ATG7: variants seen among roughly 807,000 people sequenced by gnomAD.
ATG7 encodes the protein ubiquitin-like modifier-activating enzyme ATG7.
Under a neutral mutation model 82.4 loss-of-function variants are expected in ATG7, and 70 were observed. That is an observed-to-expected ratio of 0.85 (90% CI 0.70 to 1.04). The LOEUF (loss-of-function observed/expected upper bound fraction) is 1.04, where lower values mean the gene tolerates loss of function less well. Ranked by LOEUF, ATG7 falls within the 50% of genes least tolerant of loss-of-function variation. ATG7 has a pLI of 0.00. For synonymous variants in ATG7, 287 were observed against 313.0 expected, an observed-to-expected ratio of 0.92 and a Z score of 0.88; for missense variants, 792 against 864.3, an observed-to-expected ratio of 0.92 and a Z score of 1.05.
chr3:11,332,927 T>A, intron 10 of ATG7, 45 bp from the exon 11 acceptor site: 1 of 1,398,134 alleles, frequency 7.2e-7, no homozygotes, highest in Non-Finnish European at 9.3e-7. Context: ...TTTCCTTCCT[T>A]TAAAAAAAAA....
chr3:11,292,007 G>A (rs987987984), intron 3 of ATG7, among the ~76,000 whole-genome samples: 4 of 152,196 alleles, frequency 2.6e-5, no homozygotes, highest in African/African-American at 4.8e-5. Context: ...TTGTCACCTT[G>A]TTTGGAGGAG....
chr3:11,539,774 T>C (rs2125017858), intron 20 of ATG7, among the ~76,000 whole-genome samples: 1 of 152,348 alleles, frequency 6.6e-6, no homozygotes, highest in Admixed American at 6.5e-5. Context: ...AGTGCACATT[T>C]CTGAGCTTTG....
At chr3:11,520,012 T>C (rs1372474216) in intron 20 of ATG7, among the ~76,000 whole-genome samples, 1 of 152,174 alleles carries the variant, frequency 6.6e-6, no homozygotes, top group African/African-American at 2.4e-5. Context: ...AGCTCAAGGC[T>C]GTGCTGATGT....
chr3:11,486,978 G>GCGGC (rs2089750620), intron 20 of ATG7, among the ~76,000 whole-genome samples: 1 of 151,758 alleles, frequency 6.6e-6, no homozygotes, highest in Admixed American at 6.6e-5. Context: ...AGAGGACCCT[G>GCGGC]CGGCCTTCCG....
At chr3:11,574,209 G>A in the ATG7 span, among the ~76,000 whole-genome samples, 5 of 152,260 alleles carry the variant, frequency 3.3e-5, no homozygotes, top group African/African-American at 1.2e-4. Flanking sequence ...TCCCTAGGCC[G>A]TACCCACCCG....
rs182243398 is a variant in ATG7 at position 11,370,380 on chromosome 3, T to C, written c.1875+5646T>C. Reference sequence around the variant, plus strand: ...TTGGGTCAGTGGTGGGAGCTGAAGCTCTTAGCTGAAACAAAGACCATTCTG... The same window carrying C: ...TTGGGTCAGTGGTGGGAGCTGAAGCCCTTAGCTGAAACAAAGACCATTCTG... On this transcript the variant is annotated intron_variant, in intron 18 of 20. Transcript: ENST00000693202. 3.0e-4 allele frequency among the ~76,000 whole-genome samples: 46 copies of C among 151,258 alleles called. 2 individuals are homozygous for C. The highest frequency in any genetic ancestry group is 6.3e-4 in the Non-Finnish European group (43 of 67,794).
intron 20 of ATG7, among the ~76,000 whole-genome samples, chr3:11,540,922 G>T: frequency 2.4e-5 from 3 of 125,820 alleles, no homozygotes; most frequent in African/African-American, 5.6e-5. Flanking sequence ...GGGGGAGGGG[G>T]GGAGTCTTGC....
intron 8 of ATG7, 22 bp downstream of exon 8, chr3:11,313,442 G>C: frequency 6.5e-7 from 1 of 1,549,872 alleles, no homozygotes; most frequent in Non-Finnish European, 8.9e-7. Context: ...TAACCAAAAT[G>C]CACATAAAAT....
intron 20 of ATG7, among the ~76,000 whole-genome samples, chr3:11,540,119 CTG>C (rs1460231191): frequency 2.0e-5 from 3 of 152,202 alleles, no homozygotes; most frequent in African/African-American, 7.2e-5. Flanking sequence ...TTTTAAGAAA[CTG>C]TTATTTTTCA....
downstream of ATG7, among the ~76,000 whole-genome samples, chr3:11,560,881 G>C (rs564405009): frequency 6.6e-6 from 1 of 152,262 alleles, no homozygotes; most frequent in Non-Finnish European, 1.5e-5. Context: ...ACAGGGCCTC[G>C]GGTGAGAGAC....
intron 20 of ATG7, among the ~76,000 whole-genome samples, chr3:11,551,570 T>C (rs1335334983): frequency 6.6e-6 from 1 of 152,122 alleles, no homozygotes; most frequent in African/African-American, 2.4e-5. Context: ...GTGTTTAGCT[T>C]TTTCACTGCT....
intron 19 of ATG7, among the ~76,000 whole-genome samples, chr3:11,403,547 A>G (rs1299392240): frequency 6.6e-6 from 1 of 152,184 alleles, no homozygotes; most frequent in African/African-American, 2.4e-5. Context: ...ACTTTTATGT[A>G]GTTTTTAAGG....
At chr3:11,451,166 G>C (rs1170845250) in intron 20 of ATG7, among the ~76,000 whole-genome samples, 1 of 151,070 alleles carries the variant, frequency 6.6e-6, no homozygotes, top group Non-Finnish European at 1.5e-5. Flanking sequence ...TTTTGAAAAG[G>C]ACAGGCTGGA....
chr3:11,494,088 G>C (rs935889265), intron 20 of ATG7, among the ~76,000 whole-genome samples: 2 of 152,230 alleles, frequency 1.3e-5, no homozygotes, highest in African/African-American at 4.8e-5. Context: ...TTGCCACACA[G>C]AAAGCCAATC....
chr3:11,458,510 G>A (rs568477911), intron 20 of ATG7, among the ~76,000 whole-genome samples: 4 of 152,114 alleles, frequency 2.6e-5, no homozygotes, highest in South Asian at 2.1e-4. Context: ...TGATCCGCCC[G>A]CCTCGGCATC....
At chr3:11,476,623 A>G (rs944411002) in intron 20 of ATG7, among the ~76,000 whole-genome samples, 3 of 152,156 alleles carry the variant, frequency 2.0e-5, no homozygotes, top group Non-Finnish European at 2.9e-5. Context: ...ATGGTAACTC[A>G]CTTTATTCTC....
intron 20 of ATG7, among the ~76,000 whole-genome samples, chr3:11,473,909 G>A (rs563456362): frequency 3.9e-5 from 6 of 152,284 alleles, no homozygotes; most frequent in South Asian, 2.1e-4. Context: ...CTGTGCATAC[G>A]TTCAAACCTC....
chr3:11,433,931 T>G (rs2083140622), intron 20 of ATG7, among the ~76,000 whole-genome samples: 1 of 152,232 alleles, frequency 6.6e-6, no homozygotes, highest in South Asian at 2.1e-4. Flanking sequence ...GCTGAGCTGA[T>G]TAATTGGTTA....
At chr3:11,345,340 T>C (rs566290089) in intron 13 of ATG7, among the ~76,000 whole-genome samples, 13 of 151,822 alleles carry the variant, frequency 8.6e-5, no homozygotes, top group Non-Finnish European at 1.9e-4. Context: ...ACCCAGGAGG[T>C]GGAGCTTGCA....
Sources: gnomAD v4.1 joint callset for allele counts (sites outside exome capture counted in the v4.1 genomes callset) on GRCh38, gnomAD v4.1.1 for gene constraint, MANE v1.5 for transcripts, NCBI Gene and HGNC (gene_info 2026-07-23, HGNC 2026-07-21) for gene names.